HOMER2: variants seen among roughly 807,000 people sequenced by gnomAD.
HOMER2 encodes homer protein homolog 2.
A neutral mutation model predicts 47.0 loss-of-function variants in HOMER2; 27 were observed. That is an observed-to-expected ratio of 0.57 (90% CI 0.42 to 0.79). HOMER2 has a LOEUF of 0.79. Among genes scored for constraint, HOMER2 ranks in the 30% least tolerant of loss-of-function variants. The probability of loss-of-function intolerance (pLI) is 0.00; values close to 1 mark genes in which losing one functional copy is unlikely to be tolerated. For synonymous variants in HOMER2, 161 were observed against 163.8 expected (o/e 0.98, Z 0.13); for missense variants, 443 against 435.0 (o/e 1.02, Z -0.16).
At chr15:82,951,355 T>G (rs1176419380) in intron 1 of HOMER2, among the ~76,000 whole-genome samples, 2 of 152,076 alleles carry the variant, frequency 1.3e-5, no homozygotes, top group African/African-American at 4.8e-5. Flanking sequence ...CCTCACACAC[T>G]CTGCAGCTCC....
At chr15:82,922,333 G>A (rs373950497) in intron 1 of HOMER2, among the ~76,000 whole-genome samples, 2 of 152,308 alleles carry the variant, frequency 1.3e-5, no homozygotes, top group East Asian at 3.9e-4. Flanking sequence ...TACAGGCATT[G>A]AGGCATTAAG....
downstream of HOMER2, among the ~76,000 whole-genome samples, chr15:82,836,471 G>C (rs936429973): frequency 1.8e-4 from 28 of 152,176 alleles, no homozygotes; most frequent in African/African-American, 6.0e-4. Flanking sequence ...GCCCCCAAAG[G>C]GCCTGCTCTC....
intron 4 of HOMER2, among the ~76,000 whole-genome samples, chr15:82,860,965 G>GAGAGAGAGAGAGAGAGAGAGAA (rs2051762951): frequency 1.4e-5 from 2 of 146,496 alleles, no homozygotes; most frequent in Non-Finnish European, 3.0e-5. Flanking sequence ...ATGAGAGAGA[G>GAGAGAGAGAGAGAGAGAGAGAA]AGAGAGAGAG....
In HOMER2 at chr15:82,875,308, C is replaced by A; in HGVS notation, c.259G>T (p.Gly87Cys). 6.2e-7 allele frequency: 1 copy of A among 1,613,900 alleles called. No homozygotes were observed. The highest frequency in any genetic ancestry group is 1.1e-5 in the South Asian group (1 of 91,076). Residue 87 changes from glycine to cysteine, a missense_variant, in exon 3 of 9, where the codon GGT becomes TGT. Coordinates refer to ENST00000450735, the MANE Select transcript of HOMER2 (RefSeq NM_004839.4). The stretch of plus-strand genomic sequence containing the variant: ...TGCTGCTCAGAGGAAAACCCCAAAC[C>A]AAACACTGTGTTGGCTCTGCTGTCG... ...WADSRANTVFGLGFSSEQQLT... is the reference protein window; with the variant it reads ...WADSRANTVFCLGFSSEQQLT...
At chr15:82,870,440 T>C (rs1010713962) in intron 3 of HOMER2, among the ~76,000 whole-genome samples, 2 of 151,994 alleles carry the variant, frequency 1.3e-5, no homozygotes, top group East Asian at 3.9e-4. Context: ...AGCCATCTTA[T>C]CACCACAAAG....
intron 1 of HOMER2, among the ~76,000 whole-genome samples, chr15:82,894,031 G>C (rs1433945039): frequency 6.7e-6 from 1 of 150,216 alleles, no homozygotes; most frequent in East Asian, 1.9e-4. Context: ...CTTCAAATTT[G>C]ATGTTTCCAA....
At chr15:82,962,471 C>G (rs10220724) in intron 1 of HOMER2, among the ~76,000 whole-genome samples, 108,557 of 151,810 alleles carry the variant, frequency 0.72, 40,212 homozygotes, top group African/African-American at 0.91. Flanking sequence ...GAAGTCAGGA[C>G]TTTGAGACCA....
At chr15:82,929,156 C>T (rs1194272193) in intron 1 of HOMER2, among the ~76,000 whole-genome samples, 1 of 152,000 alleles carries the variant, frequency 6.6e-6, no homozygotes, top group Non-Finnish European at 1.5e-5. Context: ...ACAGGCTTAA[C>T]TTATTTGAGA....
chr15:82,875,129 T>G (rs2052305087), intron 3 of HOMER2, 144 bp downstream of exon 3: 2 of 911,436 alleles, frequency 2.2e-6, no homozygotes, highest in East Asian at 5.1e-5. Context: ...GCCTCTGCTT[T>G]GGCAGCCCCG....
At chr15:82,918,253 C>T (rs1161416338) in intron 1 of HOMER2, among the ~76,000 whole-genome samples, 2 of 152,130 alleles carry the variant, frequency 1.3e-5, no homozygotes, top group East Asian at 3.9e-4. Context: ...AGGATGAGTA[C>T]TGGGTGCAGA....
upstream of HOMER2, among the ~76,000 whole-genome samples, chr15:82,954,384 A>C (rs1596383178): frequency 1.4e-5 from 2 of 146,876 alleles, no homozygotes. Context: ...TGCAACCCCC[A>C]CCTCCCAGAT....
intron 6 of HOMER2, 24 bp downstream of exon 6, chr15:82,854,620 G>A (rs747852820): frequency 1.3e-6 from 2 of 1,599,382 alleles, no homozygotes; most frequent in East Asian, 4.5e-5. Context: ...TGGCCTCGGG[G>A]CTCACTGCAT....
At chr15:82,893,402 G>A (rs914139605) in intron 1 of HOMER2, among the ~76,000 whole-genome samples, 5 of 135,842 alleles carry the variant, frequency 3.7e-5, no homozygotes, top group Non-Finnish European at 7.6e-5. Flanking sequence ...GCATGATCTC[G>A]GCTCACTGCA....
chr15:82,945,632 A>C (rs943293971), intron 1 of HOMER2, among the ~76,000 whole-genome samples: 1 of 152,150 alleles, frequency 6.6e-6, no homozygotes, highest in African/African-American at 2.4e-5. Context: ...AATTAGAAAA[A>C]AGCAAAGCTA....
chr15:82,981,683 G>A (rs2030400839), intron 1 of HOMER2, among the ~76,000 whole-genome samples: 1 of 152,138 alleles, frequency 6.6e-6, no homozygotes, highest in Admixed American at 6.6e-5. Context: ...TCATTAAAAG[G>A]GAAGGAAATT....
intron 2 of HOMER2, among the ~76,000 whole-genome samples, chr15:82,880,650 C>T (rs2052492558): frequency 6.6e-6 from 1 of 152,184 alleles, no homozygotes; most frequent in African/African-American, 2.4e-5. Flanking sequence ...GTATCCTTCC[C>T]GCCCATGGAG....
intron 1 of HOMER2, among the ~76,000 whole-genome samples, chr15:82,902,494 C>A (rs2053154597): frequency 6.6e-6 from 1 of 152,300 alleles, no homozygotes; most frequent in Non-Finnish European, 1.5e-5. Context: ...CTGTGCCCAG[C>A]CAATATCCAA....
intron 1 of HOMER2, among the ~76,000 whole-genome samples, chr15:82,949,835 C>A (rs1245134959): frequency 1.3e-5 from 2 of 152,194 alleles, no homozygotes; most frequent in Non-Finnish European, 2.9e-5. Context: ...CCAATAACCA[C>A]ATGTGCTGGT....
At chr15:82,983,160 T>C (rs77462514) in intron 1 of HOMER2, among the ~76,000 whole-genome samples, 1,619 of 152,348 alleles carry the variant, frequency 0.011, 30 homozygotes, top group East Asian at 0.098. Flanking sequence ...TATTTTATAA[T>C]AAAATGTTGA....
Sources: allele counts gnomAD v4.1 joint callset (sites outside exome capture counted in the v4.1 genomes callset), GRCh38; gene constraint gnomAD v4.1.1; transcripts MANE v1.5; gene names NCBI Gene and HGNC (gene_info 2026-07-23, HGNC 2026-07-21).